TSHZ2: variants seen among roughly 807,000 people sequenced by gnomAD.
TSHZ2 encodes the protein teashirt zinc finger homeobox 2, also known as teashirt homolog 2.
Under a neutral mutation model 74.4 loss-of-function variants are expected in TSHZ2, and 21 were observed. The ratio of observed to expected loss-of-function variants is 0.28; its 90% confidence interval spans 0.20 to 0.41. The LOEUF (loss-of-function observed/expected upper bound fraction) is 0.41. Among genes scored for constraint, TSHZ2 ranks in the 10% least tolerant of loss-of-function variants. TSHZ2 has a pLI of 1.00. For synonymous variants in TSHZ2, 540 were observed against 515.3 expected (o/e 1.05, Z -0.65); for missense variants, 1,244 against 1,293.5 (o/e 0.96, Z 0.59).
At chr20:53,320,810 G>T (rs1310624551) in intron 2 of TSHZ2, among the ~76,000 whole-genome samples, 1 of 152,182 alleles carries the variant, frequency 6.6e-6, no homozygotes. Flanking sequence ...GGGGTTTGGG[G>T]CCTGTGGTCG....
chr20:53,332,967 C>T (rs1397648706), intron 2 of TSHZ2, among the ~76,000 whole-genome samples: 1 of 152,168 alleles, frequency 6.6e-6, no homozygotes, highest in African/African-American at 2.4e-5. Flanking sequence ...TCTTTCAGCT[C>T]CTGCATTAAC....
intron 1 of TSHZ2, among the ~76,000 whole-genome samples, chr20:53,078,796 C>T (rs1044191509): frequency 1.3e-5 from 2 of 151,932 alleles, no homozygotes; most frequent in South Asian, 2.1e-4. Context: ...TTTAGAGGTA[C>T]GCTGGGAATA....
At chr20:53,261,441 A>G (rs1990599283) in intron 2 of TSHZ2, among the ~76,000 whole-genome samples, 1 of 152,240 alleles carries the variant, frequency 6.6e-6, no homozygotes, top group African/African-American at 2.4e-5. Context: ...ATTAAAAAAG[A>G]ACATCCTCAT....
At chr20:53,284,137 A>G (rs1939462156) in intron 2 of TSHZ2, among the ~76,000 whole-genome samples, 1 of 152,158 alleles carries the variant, frequency 6.6e-6, no homozygotes, top group South Asian at 2.1e-4. Context: ...ACCGCCTCGA[A>G]CAACGTGAAA....
intron 1 of TSHZ2, among the ~76,000 whole-genome samples, chr20:53,113,077 G>C (rs1353560307): frequency 6.6e-6 from 1 of 152,216 alleles, no homozygotes; most frequent in Non-Finnish European, 1.5e-5. Context: ...TTGCATATTT[G>C]ATAAGCCCTC....
rs527444987 is a variant in TSHZ2 at position 53,415,404 on chromosome 20, G to T, written c.*9-71740G>T. On this transcript the variant is annotated intron_variant, in intron 2 of 2. Transcript: ENST00000371497. ...TCCTATCGCTCTGCTCTCCACTGGG[G>T]CCCCAGGCCCCTCATTGCCCCCTAC... Among the ~76,000 whole-genome samples, 16 of 152,164 alleles carry T rather than the reference G, an allele frequency of 1.1e-4. No homozygotes were observed. In the South Asian group the frequency reaches 3.3e-3, roughly 32 times the overall value.
chr20:53,240,759 A>ATAGATAGATAGATAGATAGG (rs1555839641), intron 1 of TSHZ2, among the ~76,000 whole-genome samples: 11 of 152,096 alleles, frequency 7.2e-5, no homozygotes, highest in African/African-American at 2.4e-4. Context: ...AGATAGATAG[A>ATAGATAGATAGATAGATAGG]TAGATAGATA....
At chr20:53,076,740 A>G (rs1985375312) in intron 1 of TSHZ2, among the ~76,000 whole-genome samples, 1 of 152,236 alleles carries the variant, frequency 6.6e-6, no homozygotes, top group Admixed American at 6.5e-5. Flanking sequence ...TGAGGCAGGA[A>G]GATGTTGCAC....
chr20:53,468,768 A>G (rs572351105), intron 2 of TSHZ2, among the ~76,000 whole-genome samples: 1 of 150,558 alleles, frequency 6.6e-6, no homozygotes, highest in African/African-American at 2.4e-5. Flanking sequence ...GGTTTGTGTC[A>G]TGAAACATAC....
chr20:53,379,869 C>G (rs1981794752), intron 2 of TSHZ2, among the ~76,000 whole-genome samples: 1 of 152,096 alleles, frequency 6.6e-6, no homozygotes, highest in Non-Finnish European at 1.5e-5. Flanking sequence ...TATGATCTTA[C>G]CATAGATTTC....
chr20:53,015,378 G>A (rs1163622161), intron 1 of TSHZ2, among the ~76,000 whole-genome samples: 1 of 152,164 alleles, frequency 6.6e-6, no homozygotes, highest in Admixed American at 6.6e-5. Flanking sequence ...CACAGTTGGG[G>A]AGAAGATGTC....
intron 1 of TSHZ2, among the ~76,000 whole-genome samples, chr20:53,167,300 T>C (rs1292780403): frequency 6.6e-6 from 1 of 152,350 alleles, no homozygotes; most frequent in East Asian, 1.9e-4. Flanking sequence ...AGACACTAAA[T>C]TGAGCACTTT....
At chr20:53,417,947 G>C (rs544403816) in intron 2 of TSHZ2, among the ~76,000 whole-genome samples, 4 of 152,244 alleles carry the variant, frequency 2.6e-5, no homozygotes, top group African/African-American at 9.6e-5. Flanking sequence ...ACAAGAGTGA[G>C]CAGGGCTCTG....
At position 53,254,870 on chromosome 20, in the gene TSHZ2, A is replaced by C. The variant is rs1434674984; in HGVS notation, c.1412A>C (p.Glu471Ala). ...KKESKKERPE[E>A]TSKDEKVVKS... ...GAGAGTAAAAAAGAAAGGCCAGAGGAAACCAGCAAGGATGAGAAAGTCGTG... is the reference window on the plus strand; with the variant it reads ...GAGAGTAAAAAAGAAAGGCCAGAGGCAACCAGCAAGGATGAGAAAGTCGTG... The change falls in exon 2 of 3, where the codon GAA becomes GCA. Residue 471 changes from glutamate to alanine, a missense_variant. By Grantham distance (107) the Glu-to-Ala change is moderately radical. Coordinates refer to ENST00000371497, the MANE Select transcript of TSHZ2 (RefSeq NM_173485.6). 6.2e-7 allele frequency: 1 copy of C among 1,614,100 alleles called. No individual in the cohort carries two copies. The highest frequency in any genetic ancestry group is 8.5e-7 in the Non-Finnish European group (1 of 1,180,052).
intron 2 of TSHZ2, among the ~76,000 whole-genome samples, chr20:53,411,846 A>T (rs61333058): frequency 0.075 from 11,467 of 152,032 alleles, 1,455 homozygotes; most frequent in African/African-American, 0.26. Context: ...AAAATAAAAT[A>T]AAAAAAAGAG....
chr20:53,157,976 G>C (rs1240050249), intron 1 of TSHZ2, among the ~76,000 whole-genome samples: 1 of 152,196 alleles, frequency 6.6e-6, no homozygotes, highest in Non-Finnish European at 1.5e-5. Flanking sequence ...GTCATACAGA[G>C]AGAAACTGAG....
intron 2 of TSHZ2, among the ~76,000 whole-genome samples, chr20:53,287,431 T>C (rs1478787507): frequency 6.6e-6 from 1 of 152,138 alleles, no homozygotes; most frequent in Non-Finnish European, 1.5e-5. Flanking sequence ...GAGTTACAGT[T>C]TAGATGTTGG....
intron 2 of TSHZ2, among the ~76,000 whole-genome samples, chr20:53,335,913 C>T (rs1979926707): frequency 6.6e-6 from 1 of 152,194 alleles, no homozygotes; most frequent in Admixed American, 6.5e-5. Context: ...CCTACTCTGT[C>T]GCCTGAAAGA....
chr20:53,266,449 C>T (rs1226215987), intron 2 of TSHZ2, among the ~76,000 whole-genome samples: 1 of 152,194 alleles, frequency 6.6e-6, no homozygotes, highest in African/African-American at 2.4e-5. Flanking sequence ...TTTCACCCCT[C>T]CACTTACAGG....
Sources: gnomAD v4.1 joint callset for allele counts (sites outside exome capture counted in the v4.1 genomes callset) on GRCh38, gnomAD v4.1.1 for gene constraint, MANE v1.5 for transcripts, NCBI Gene and HGNC (gene_info 2026-07-23, HGNC 2026-07-21) for gene names.